The following ITGB6 variants were observed in gnomAD, a reference collection of about 807,000 sequenced individuals.
ITGB6 encodes integrin beta-6.
A neutral mutation model predicts 84.5 loss-of-function variants in ITGB6; 80 were observed. The ratio of observed to expected loss-of-function variants is 0.95; its 90% CI spans 0.79 to 1.14. The LOEUF (loss-of-function observed/expected upper bound fraction) is 1.14. ITGB6 is among the 50% of genes most tolerant of loss of function. The probability of loss-of-function intolerance (pLI) is 0.00; values close to 1 mark genes in which losing one functional copy is unlikely to be tolerated. For synonymous variants in ITGB6, 383 were observed against 354.9 expected (o/e 1.08, Z -0.89); for missense variants, 1,006 against 968.0 (o/e 1.04, Z -0.52).
At chr2:160,121,800 A>C (rs1683052889) in intron 12 of ITGB6, among the ~76,000 whole-genome samples, 1 of 151,482 alleles carries the variant, frequency 6.6e-6, no homozygotes, top group Non-Finnish European at 1.5e-5. Flanking sequence ...ACTCTCAGTA[A>C]AATGGGATGA....
chr2:160,137,751 AC>A lies in ITGB6; in HGVS notation c.1342del (p.Val448SerfsTer15). On this transcript the variant is annotated frameshift_variant, in exon 10 of 15. Coordinates refer to ENST00000283249, the MANE Select transcript of ITGB6 (RefSeq NM_000888.5). LOFTEE classifies it high-confidence loss of function. The stretch of plus-strand genomic sequence containing the variant: ...ACAGTCGCAGTTGCATTCTGGGCTG[AC>A]AAGTAATTCCAGGGCATCCCCCAGC... ...VGLGDALELL[V>X]SPECNCDCQK... 1 of 1,614,192 alleles carries A rather than the reference AC, an allele frequency of 6.2e-7. No individual in the cohort carries two copies.
intron 7 of ITGB6, among the ~76,000 whole-genome samples, chr2:160,145,925 T>C (rs1461076350): frequency 6.6e-6 from 1 of 152,196 alleles, no homozygotes; most frequent in South Asian, 2.1e-4. Flanking sequence ...CCTGGCTGTC[T>C]GCTGGGTCAG....
At chr2:160,125,365 T>C (rs1263376354) in intron 11 of ITGB6, among the ~76,000 whole-genome samples, 1 of 152,276 alleles carries the variant, frequency 6.6e-6, no homozygotes, top group Non-Finnish European at 1.5e-5. Flanking sequence ...GTTAATTTCC[T>C]ATCTTGAAAT....
intron 4 of ITGB6, among the ~76,000 whole-genome samples, chr2:160,179,836 G>A (rs935887861): frequency 1.3e-5 from 2 of 149,670 alleles, no homozygotes; most frequent in South Asian, 2.2e-4. Context: ...GGTGGTTCAC[G>A]CCTGTAATCC....
intron 4 of ITGB6, among the ~76,000 whole-genome samples, chr2:160,183,798 C>T (rs1357408284): frequency 6.6e-6 from 1 of 152,144 alleles, no homozygotes; most frequent in African/African-American, 2.4e-5. Flanking sequence ...GTCTCTCATA[C>T]CATAGTGCAA....
rs115045485 is a variant in ITGB6 at position 160,110,782 on chromosome 2, T to C, written c.2101+1298A>G. ...ACCAGGCCACCCTGGGATTTTCTAG[T>C]CTGAAAGCTGTGAGACGGGAGACAG... On this transcript the variant is annotated intron_variant, in intron 13 of 14. Transcript: ENST00000283249. 2.7e-3 allele frequency among the ~76,000 whole-genome samples: 415 copies of C among 152,252 alleles called. 3 individuals are homozygous for C. The highest frequency in any genetic ancestry group is 9.6e-3 in the African/African-American group (398 of 41,538).
intron 4 of ITGB6, among the ~76,000 whole-genome samples, chr2:160,189,584 C>G (rs1686053444): frequency 6.6e-6 from 1 of 152,154 alleles, no homozygotes; most frequent in Admixed American, 6.5e-5. Flanking sequence ...ATTTATGCAG[C>G]CAAAAGACAC....
intron 4 of ITGB6, among the ~76,000 whole-genome samples, chr2:160,186,420 C>A (rs1337443643): frequency 6.6e-6 from 1 of 152,028 alleles, no homozygotes. Flanking sequence ...AATGAGATAC[C>A]ATCTCATGCC....
Position 160,120,218 on chromosome 2 carries a change from G to A in ITGB6, c.1981+3573C>T, listed in dbSNP as rs558302753. ...TGTTGCTATAAAGACACATGCACAC[G>A]TATGTTTATTGTGGCACTATTTACA... On this transcript the variant is annotated intron_variant, in intron 12 of 14. Transcript: ENST00000283249. Among the ~76,000 whole-genome samples, 1,192 of 151,862 alleles carry A rather than the reference G, an allele frequency of 7.8e-3. 19 individuals are homozygous for A. Among genetic ancestry groups the A allele is most frequent in the African/African-American group, 0.028 (1,139 of 41,388 alleles).
chr2:160,142,675 G>GT (rs1217962388), intron 7 of ITGB6, among the ~76,000 whole-genome samples: 1 of 152,186 alleles, frequency 6.6e-6, no homozygotes, highest in Admixed American at 6.5e-5. Flanking sequence ...TCACCGTGGA[G>GT]TGAGTCAGAA....
chr2:160,192,470 T>A (rs556865742), intron 4 of ITGB6, among the ~76,000 whole-genome samples: 40 of 152,166 alleles, frequency 2.6e-4, no homozygotes, highest in African/African-American at 9.4e-4. Context: ...ATACAAAAAC[T>A]AATCTGAGAT....
rs189457059 is a variant in ITGB6, at chr2:160,118,379, T to C, written c.1981+5412A>G. 2.0e-3 allele frequency among the ~76,000 whole-genome samples: 311 copies of C among 152,324 alleles called. 2 individuals are homozygous for C. Among genetic ancestry groups the C allele is most frequent in the African/African-American group, 6.9e-3 (285 of 41,562 alleles). ...TTCAACATATGCAAATCAATAAATG[T>C]AATCCAGCATATAAACGGAACCAAA... On this transcript the variant is annotated intron_variant, in intron 12 of 14. Transcript: ENST00000283249.
chr2:160,164,671 G>A (rs952003157), intron 7 of ITGB6, among the ~76,000 whole-genome samples: 1 of 152,024 alleles, frequency 6.6e-6, no homozygotes, highest in South Asian at 2.1e-4. Flanking sequence ...ACTCCAGCCT[G>A]GGCGACAGAG....
At chr2:160,166,785 A>C (rs1685014105) in intron 7 of ITGB6, among the ~76,000 whole-genome samples, 1 of 152,212 alleles carries the variant, frequency 6.6e-6, no homozygotes, top group African/African-American at 2.4e-5. Context: ...TCTGGGGTGC[A>C]CACTACAGCC....
chr2:160,146,761 T>C (rs966391863), intron 7 of ITGB6, among the ~76,000 whole-genome samples: 3 of 151,870 alleles, frequency 2.0e-5, no homozygotes, highest in African/African-American at 7.3e-5. Flanking sequence ...GTTCAAGAAA[T>C]ATTTAAAGAG....
intron 12 of ITGB6, among the ~76,000 whole-genome samples, chr2:160,119,993 C>T (rs551509686): frequency 0.024 from 3,691 of 151,612 alleles, 143 homozygotes; most frequent in African/African-American, 0.084. Flanking sequence ...GTTAGAATGG[C>T]AATCATTAAA....
chr2:160,135,830 A>C (rs1192072832), intron 10 of ITGB6, among the ~76,000 whole-genome samples: 20 of 152,238 alleles, frequency 1.3e-4, no homozygotes, highest in East Asian at 3.9e-4. Flanking sequence ...ATAAATGGTG[A>C]TGGGAAAACT....
intron 2 of ITGB6, 57 bp downstream of exon 2, chr2:160,199,122 T>C: frequency 7.3e-7 from 1 of 1,373,210 alleles, no homozygotes; most frequent in Non-Finnish European, 1.0e-6. Flanking sequence ...CTGAGGAAAT[T>C]AACATGAATT....
chr2:160,120,637 T>G lies in ITGB6; in HGVS notation c.1981+3154A>C, dbSNP rs1212217576. 4.4e-5 allele frequency among the ~76,000 whole-genome samples: 2 copies of G among 45,322 alleles called. 1 individual carries two copies. The highest frequency in any genetic ancestry group is 1.8e-4 in the African/African-American group (2 of 10,918). The allele number at this position is 45,322 out of a possible 152,430, so 29.7% of individuals were successfully genotyped here. On this transcript the variant is annotated intron_variant, in intron 12 of 14. Transcript: ENST00000283249. ...ACATATGTAACAAACCTGCACAATGTGCACATGTACCCTAAAACTTAGAGT... is the reference window on the plus strand; with the variant it reads ...ACATATGTAACAAACCTGCACAATGGGCACATGTACCCTAAAACTTAGAGT...
Sources: allele counts gnomAD v4.1 joint callset (sites outside exome capture counted in the v4.1 genomes callset), GRCh38; gene constraint gnomAD v4.1.1; transcripts MANE v1.5; gene names NCBI Gene and HGNC (gene_info 2026-07-23, HGNC 2026-07-21).